Variants in INPP4B observed in about 807,000 individuals in gnomAD.
INPP4B encodes the protein inositol polyphosphate-4-phosphatase type II B.
In INPP4B, 55 loss-of-function variants were observed where a neutral mutation model predicts 122.5. The ratio of observed to expected loss-of-function variants is 0.45; its 90% CI spans 0.36 to 0.56. The LOEUF (loss-of-function observed/expected upper bound fraction) is 0.56, where lower values mean the gene tolerates loss of function less well. Among genes scored for constraint, INPP4B ranks in the 20% least tolerant of loss-of-function variants. The pLI is 0.00. For missense variants in INPP4B, 1,000 were observed against 1,097.7 expected, an observed-to-expected ratio of 0.91 and a Z score of 1.26; for synonymous variants, 403 against 388.7, an observed-to-expected ratio of 1.04 and a Z score of -0.43.
intron 2 of INPP4B, among the ~76,000 whole-genome samples, chr4:142,600,266 C>T (rs62330251): frequency 0.098 from 14,963 of 152,102 alleles, 777 homozygotes; most frequent in South Asian, 0.15. Flanking sequence ...AAGTTGCCCA[C>T]TTGGATCTCT....
rs1737312520 is a variant in INPP4B at position 142,027,326 on chromosome 4, C to G, written c.*1456G>C. On this transcript the variant is annotated 3_prime_UTR_variant, in exon 26 of 26. Transcript: ENST00000262992. Reference sequence around the variant, plus strand: ...AGGAATCCTAGGCAAGGAGCTATCACATTAGCTATGGGAAGCATAATATCA... The same window carrying G: ...AGGAATCCTAGGCAAGGAGCTATCAGATTAGCTATGGGAAGCATAATATCA... 1.3e-5 allele frequency: 2 copies of G among 152,150 alleles called. No individual in the cohort carries two copies. The allele number at this position is 152,150 out of a possible 1,614,324, so 9.4% of individuals were successfully genotyped here. A position where few individuals can be genotyped will look rare whatever the true frequency, so the allele number is the denominator to read the frequency against.
At chr4:142,784,135 G>A (rs1413685712) in intron 1 of INPP4B, among the ~76,000 whole-genome samples, 1 of 152,026 alleles carries the variant, frequency 6.6e-6, no homozygotes, top group South Asian at 2.1e-4. Context: ...GGCTGAGGCG[G>A]GCAGATGGCC....
chr4:142,160,193 T>C (rs1047126253), intron 17 of INPP4B, among the ~76,000 whole-genome samples, 165 bp downstream of exon 17: 2 of 151,962 alleles, frequency 1.3e-5, no homozygotes, highest in Admixed American at 1.3e-4. Flanking sequence ...GGATTTCAAC[T>C]TCCAAAAAAA....
chr4:142,227,647 G>A (rs1190705555), intron 12 of INPP4B, among the ~76,000 whole-genome samples: 1 of 151,592 alleles, frequency 6.6e-6, no homozygotes, highest in Non-Finnish European at 1.5e-5. Context: ...GATCACTTGA[G>A]GTCGGGAGTT....
At chr4:142,698,645 C>A (rs2150749260) in intron 2 of INPP4B, among the ~76,000 whole-genome samples, 1 of 152,272 alleles carries the variant, frequency 6.6e-6, no homozygotes, top group Admixed American at 6.5e-5. Flanking sequence ...ATCTTTCAGG[C>A]CTAACCCCAG....
chr4:142,276,473 A>G (rs1221397503), intron 9 of INPP4B, among the ~76,000 whole-genome samples: 1 of 151,878 alleles, frequency 6.6e-6, no homozygotes, highest in Non-Finnish European at 1.5e-5. Context: ...AATGTTGAGT[A>G]ACAAAGCCCT....
At chr4:142,600,060 C>T (rs775381049) in intron 2 of INPP4B, among the ~76,000 whole-genome samples, 2 of 151,952 alleles carry the variant, frequency 1.3e-5, no homozygotes, top group Non-Finnish European at 2.9e-5. Flanking sequence ...TTATTGATAT[C>T]CCCCAAAGCA....
chr4:142,667,742 T>A (rs1035488275), intron 2 of INPP4B, among the ~76,000 whole-genome samples: 1 of 152,140 alleles, frequency 6.6e-6, no homozygotes, highest in East Asian at 1.9e-4. Context: ...GAAGACAGAC[T>A]CCAGTCTCTC....
intron 2 of INPP4B, among the ~76,000 whole-genome samples, chr4:142,649,709 G>A (rs1345697776): frequency 2.0e-5 from 3 of 152,104 alleles, no homozygotes; most frequent in Non-Finnish European, 4.4e-5. Flanking sequence ...AGAAATACAG[G>A]ACTATGTGAA....
intron 2 of INPP4B, among the ~76,000 whole-genome samples, chr4:142,590,948 T>C (rs1737356936): frequency 6.7e-6 from 1 of 149,270 alleles, no homozygotes; most frequent in Admixed American, 6.7e-5. Flanking sequence ...GATAATTTTC[T>C]GGATGTGAAA....
intron 2 of INPP4B, among the ~76,000 whole-genome samples, chr4:142,548,448 A>C (rs1345618142): frequency 6.6e-6 from 1 of 152,206 alleles, no homozygotes; most frequent in Non-Finnish European, 1.5e-5. Context: ...AAATTCCTAG[A>C]AGAGGCTAGC....
At chr4:142,314,178 C>T (rs962866261) in intron 8 of INPP4B, among the ~76,000 whole-genome samples, 2 of 152,160 alleles carry the variant, frequency 1.3e-5, no homozygotes, top group African/African-American at 4.8e-5. Context: ...CAGAAAGCAC[C>T]CAGTACCTTC....
rs66485353 is a variant in INPP4B, at chr4:142,061,885, CATATATATATATATATATATATATAT to C, written c.2642+20120_2642+20145del. Among the ~76,000 whole-genome samples, 275 of 139,334 alleles carry C rather than the reference CATATATATATATATATATATATATAT, an allele frequency of 2.0e-3. 9 individuals carry two copies. The highest frequency in any genetic ancestry group is 2.7e-3 in the Non-Finnish European group (183 of 66,644). The allele number at this position is 139,334 out of a possible 152,430, so 91.4% of individuals were successfully genotyped here. A position where few individuals can be genotyped will look rare whatever the true frequency, so the allele number is the denominator to read the frequency against. ...ATATGTACACACACACACACACACA[CATATATATATATATATATATATATAT>C]ATATATATATATATATATATATATA... On this transcript the variant is annotated intron_variant, in intron 25 of 25. Transcript: ENST00000262992.
At chr4:142,682,275 C>T (rs1758729027) in intron 2 of INPP4B, among the ~76,000 whole-genome samples, 1 of 151,802 alleles carries the variant, frequency 6.6e-6, no homozygotes, top group African/African-American at 2.4e-5. Flanking sequence ...CCCTCTCTCT[C>T]CCTCTCTCTC....
At chr4:142,623,798 T>G (rs886299040) in intron 2 of INPP4B, among the ~76,000 whole-genome samples, 1 of 146,726 alleles carries the variant, frequency 6.8e-6, no homozygotes, top group Non-Finnish European at 1.5e-5. Context: ...AATTCCCACC[T>G]ATGAGTGAGA....
At chr4:142,845,738 C>T (rs1209352803) in intron 1 of INPP4B, among the ~76,000 whole-genome samples, 2 of 151,264 alleles carry the variant, frequency 1.3e-5, no homozygotes, top group Non-Finnish European at 2.9e-5. Context: ...CCGGCGGCGG[C>T]GGCGGCGGCG....
At chr4:142,838,879 C>G (rs1360697518) in intron 1 of INPP4B, among the ~76,000 whole-genome samples, 1 of 152,152 alleles carries the variant, frequency 6.6e-6, no homozygotes, top group Non-Finnish European at 1.5e-5. Flanking sequence ...TTCTCAGATT[C>G]CCCAGTTCTC....
intron 12 of INPP4B, among the ~76,000 whole-genome samples, chr4:142,227,464 A>T (rs1852049520): frequency 6.6e-6 from 1 of 152,200 alleles, no homozygotes; most frequent in South Asian, 2.1e-4. Context: ...ATGAAGAAAG[A>T]ACATTAAAAA....
chr4:142,738,216 C>A (rs1767289508), intron 1 of INPP4B, among the ~76,000 whole-genome samples: 1 of 152,152 alleles, frequency 6.6e-6, no homozygotes, highest in South Asian at 2.1e-4. Context: ...ACCCAAATGT[C>A]CAACAGTGAT....
Sources: gnomAD v4.1 joint callset for allele counts (sites outside exome capture counted in the v4.1 genomes callset) on GRCh38, gnomAD v4.1.1 for gene constraint, MANE v1.5 for transcripts, NCBI Gene and HGNC (gene_info 2026-07-23, HGNC 2026-07-21) for gene names.